Variants in RGS6 observed in about 807,000 individuals in gnomAD.
RGS6 encodes regulator of G protein signaling 6, also known as regulator of G-protein signaling 6.
RGS6 carries 30 observed loss-of-function variants against 78.5 expected under a neutral mutation model. The observed-to-expected ratio is 0.38, with a 90% CI of 0.29 to 0.52. The LOEUF (loss-of-function observed/expected upper bound fraction) is 0.52, where lower values mean the gene tolerates loss of function less well. Among genes scored for constraint, RGS6 ranks in the 20% least tolerant of loss-of-function variants. RGS6 has a pLI of 0.85. For synonymous variants in RGS6, 206 were observed against 206.0 expected (o/e 1.00, Z 0.00); for missense variants, 495 against 609.7 (o/e 0.81, Z 1.98).
In RGS6 at chr14:72,518,557, T is replaced by C. The variant is rs529131401; in HGVS notation, c.1278+20T>C. Reference sequence around the variant, plus strand: ...GCCCAGGTTTGCTTATCTACTCAAGTGGTTGTCATAAGGTGTTCATTTGTC... The same window carrying C: ...GCCCAGGTTTGCTTATCTACTCAAGCGGTTGTCATAAGGTGTTCATTTGTC... On this transcript the variant is annotated intron_variant, in intron 15 of 17. Coordinates refer to ENST00000553525, the MANE Select transcript of RGS6 (RefSeq NM_001204424.2). The C allele has an allele frequency of 4.3e-6, 7 of 1,611,698 alleles. No individual in the cohort carries two copies. The highest frequency in any genetic ancestry group is 1.3e-5 in the African/African-American group (1 of 74,982).
Position 72,473,064 on chromosome 14 carries a change from C to T in RGS6, c.618+111C>T, listed in dbSNP as rs1004412236. On this transcript the variant is annotated intron_variant, in intron 9 of 17. Coordinates refer to ENST00000553525, the MANE Select transcript of RGS6 (RefSeq NM_001204424.2). ...CCAGGTGTCTCATTCTTAAGAAAAT[C>T]GCTCAGCTTTGTGGAACTGGTTTCG... 4.3e-5 allele frequency: 30 copies of T among 699,746 alleles called. 1 individual carries two copies. Among genetic ancestry groups the T allele is most frequent in the Middle Eastern group, 3.1e-4 (1 of 3,216 alleles). 43.3% of individuals were successfully genotyped at this position (699,746 alleles called of 1,614,324 possible).
At chr14:72,236,290 T>C (rs2051004680) in intron 2 of RGS6, among the ~76,000 whole-genome samples, 1 of 152,204 alleles carries the variant, frequency 6.6e-6, no homozygotes, top group African/African-American at 2.4e-5. Flanking sequence ...TTCATCCCTC[T>C]CTTCATCTTA....
chr14:72,160,505 A>G (rs981125174), intron 2 of RGS6, among the ~76,000 whole-genome samples: 3 of 152,212 alleles, frequency 2.0e-5, no homozygotes, highest in Admixed American at 1.3e-4. Flanking sequence ...GATGGGCTGA[A>G]TTGTGTTCCC....
intron 2 of RGS6, among the ~76,000 whole-genome samples, chr14:72,247,468 A>G (rs886142933): frequency 3.9e-5 from 6 of 152,204 alleles, no homozygotes; most frequent in African/African-American, 7.2e-5. Context: ...ACCAAATGCA[A>G]TTGCTTATCT....
intron 3 of RGS6, among the ~76,000 whole-genome samples, chr14:72,426,677 A>G (rs2094445724): frequency 6.6e-6 from 1 of 152,204 alleles, no homozygotes. Context: ...CTTCCTTAAC[A>G]GTTTGTCCCA....
At chr14:72,418,762 A>T (rs1249653382) in intron 3 of RGS6, among the ~76,000 whole-genome samples, 1 of 152,108 alleles carries the variant, frequency 6.6e-6, no homozygotes, top group Non-Finnish European at 1.5e-5. Context: ...GAATCGCAGC[A>T]GATAAAAAGA....
the RGS6 span, among the ~76,000 whole-genome samples, chr14:72,620,867 G>T: frequency 6.6e-6 from 1 of 152,216 alleles, no homozygotes; most frequent in African/African-American, 2.4e-5. Flanking sequence ...TTGGCTGGGC[G>T]CTGTGGCGCA....
chr14:72,190,919 T>A (rs2097315941), intron 2 of RGS6, among the ~76,000 whole-genome samples: 1 of 152,234 alleles, frequency 6.6e-6, no homozygotes, highest in African/African-American at 2.4e-5. Flanking sequence ...CTAGTAAATT[T>A]GTCAAACCAC....
chr14:72,124,900 G>A (rs558157808), intron 2 of RGS6, among the ~76,000 whole-genome samples: 5 of 152,180 alleles, frequency 3.3e-5, no homozygotes, highest in Admixed American at 6.5e-5. Context: ...AAGGCCAAAA[G>A]TCAGATAAAC....
At chr14:72,312,231 T>TTG (rs1436782005) in intron 2 of RGS6, among the ~76,000 whole-genome samples, 2 of 151,858 alleles carry the variant, frequency 1.3e-5, no homozygotes, top group East Asian at 3.9e-4. Context: ...AATTGTTTTT[T>TTG]TTTTTTTTTT....
At chr14:72,593,449 G>A in the RGS6 span, among the ~76,000 whole-genome samples, 4 of 152,078 alleles carry the variant, frequency 2.6e-5, no homozygotes, top group South Asian at 2.1e-4. Flanking sequence ...ACAGCAGTGC[G>A]ATCTCGGCTC....
chr14:71,909,319 C>T, the RGS6 span, among the ~76,000 whole-genome samples: 9 of 152,164 alleles, frequency 5.9e-5, no homozygotes, highest in African/African-American at 2.2e-4. Flanking sequence ...CAAGAACCTG[C>T]TCTTGGGGTC....
Position 71,964,613 on chromosome 14 carries a change from T to G in RGS6, c.-20-159T>G, listed in dbSNP as rs150228107. ...TGGGGATTAGAAGAATATTTGTGGA[T>G]AGTAAGACTGCAATCATCCCCTAAC... On this transcript the variant is annotated intron_variant, in intron 1 of 17. Coordinates refer to ENST00000553525, the MANE Select transcript of RGS6 (RefSeq NM_001204424.2). 6.3e-3 allele frequency among the ~76,000 whole-genome samples: 954 copies of G among 152,348 alleles called. 6 individuals are homozygous for G. The highest frequency in any genetic ancestry group is 0.033 in the South Asian group (157 of 4,830).
At chr14:71,928,471 T>G (rs1308684717), upstream of RGS6, among the ~76,000 whole-genome samples, 2 of 152,208 alleles carry the variant, frequency 1.3e-5, no homozygotes, top group Non-Finnish European at 2.9e-5. Context: ...ATGGGCCACA[T>G]GACCCAAAAC....
At chr14:72,298,656 G>A (rs2152388372) in intron 2 of RGS6, among the ~76,000 whole-genome samples, 1 of 152,064 alleles carries the variant, frequency 6.6e-6, no homozygotes, top group South Asian at 2.1e-4. Context: ...CACCGTGTTA[G>A]CCAGGATGGT....
At chr14:72,503,823 T>A (rs573391148) in intron 13 of RGS6, among the ~76,000 whole-genome samples, 17 of 152,336 alleles carry the variant, frequency 1.1e-4, no homozygotes, top group Admixed American at 7.2e-4. Flanking sequence ...GGTGGCAGCA[T>A]CATCCCCACA....
chr14:72,141,013 A>C (rs2096532551), intron 2 of RGS6, among the ~76,000 whole-genome samples: 1 of 152,160 alleles, frequency 6.6e-6, no homozygotes, highest in Admixed American at 6.5e-5. Flanking sequence ...TTGTTTTACC[A>C]TTTACTGTTG....
At chr14:72,086,480 T>G (rs1484880647) in intron 2 of RGS6, among the ~76,000 whole-genome samples, 1 of 152,206 alleles carries the variant, frequency 6.6e-6, no homozygotes, top group Non-Finnish European at 1.5e-5. Context: ...CGCAGTGATA[T>G]TTTGCTTTTT....
chr14:72,016,223 TAA>T (rs1183811079), intron 2 of RGS6, among the ~76,000 whole-genome samples: 3 of 152,258 alleles, frequency 2.0e-5, no homozygotes, highest in African/African-American at 7.2e-5. Flanking sequence ...TGTGTATATG[TAA>T]CATTGGAATC....
Sources: gnomAD v4.1 joint callset for allele counts (sites outside exome capture counted in the v4.1 genomes callset) on GRCh38, gnomAD v4.1.1 for gene constraint, MANE v1.5 for transcripts, NCBI Gene and HGNC (gene_info 2026-07-23, HGNC 2026-07-21) for gene names.